The following CSMD3 variants were observed in gnomAD, a reference collection of about 807,000 sequenced individuals.
CSMD3 encodes CUB and Sushi multiple domains 3, also known as CUB and sushi domain-containing protein 3.
CSMD3 carries 177 observed loss-of-function variants against 435.2 expected under a neutral mutation model. That is an observed-to-expected ratio of 0.41 (90% CI 0.36 to 0.46). CSMD3 has a LOEUF of 0.46. CSMD3 is among the 20% of genes least tolerant of loss of function. CSMD3 has a pLI of 0.34. For missense variants in CSMD3, 4,265 were observed against 4,504.6 expected, an observed-to-expected ratio of 0.95 and a Z score of 1.52; for synonymous variants, 1,656 against 1,520.5, an observed-to-expected ratio of 1.09 and a Z score of -2.07.
intron 31 of CSMD3, among the ~76,000 whole-genome samples, chr8:112,479,564 G>T (rs1819421687): frequency 6.6e-6 from 1 of 152,196 alleles, no homozygotes. Context: ...TGGCCCTGCT[G>T]CCTGCCTTGG....
intron 3 of CSMD3, among the ~76,000 whole-genome samples, chr8:113,226,668 C>T (rs1021510372): frequency 6.6e-6 from 1 of 151,608 alleles, no homozygotes; most frequent in East Asian, 2.0e-4. Flanking sequence ...ACACATATTC[C>T]ACTATTTAAA....
At chr8:113,212,551 T>A (rs1455657711) in intron 3 of CSMD3, among the ~76,000 whole-genome samples, 1 of 152,142 alleles carries the variant, frequency 6.6e-6, no homozygotes, top group Non-Finnish European at 1.5e-5. Context: ...TAGAATACTA[T>A]GCAATCATAA....
intron 5 of CSMD3, among the ~76,000 whole-genome samples, chr8:113,087,643 C>T (rs1353246525): frequency 2.2e-4 from 34 of 152,014 alleles, no homozygotes; most frequent in African/African-American, 8.2e-4. Context: ...GCTGGGAAAA[C>T]TGGCTAGCCA....
intron 64 of CSMD3, among the ~76,000 whole-genome samples, chr8:112,246,483 C>T (rs924333316): frequency 6.6e-6 from 1 of 152,024 alleles, no homozygotes; most frequent in African/African-American, 2.4e-5. Flanking sequence ...ATTTAGTGGC[C>T]CCAGGCTTTG....
chr8:113,030,244 C>T (rs971358028), intron 5 of CSMD3, among the ~76,000 whole-genome samples: 6 of 150,038 alleles, frequency 4.0e-5, no homozygotes, highest in Admixed American at 6.6e-5. Flanking sequence ...CATCAAATTC[C>T]AACATCATTC....
chr8:112,504,184 C>T (rs1168122776), intron 29 of CSMD3, among the ~76,000 whole-genome samples: 1 of 151,780 alleles, frequency 6.6e-6, no homozygotes, highest in East Asian at 1.9e-4. Flanking sequence ...AAGAAAAAAA[C>T]TTGATATTTT....
intron 6 of CSMD3, among the ~76,000 whole-genome samples, chr8:112,997,883 T>C (rs1284727438): frequency 2.0e-5 from 3 of 148,430 alleles, no homozygotes; most frequent in Non-Finnish European, 3.0e-5. Flanking sequence ...TATATATACA[T>C]ATATATATAG....
chr8:112,999,909 T>A (rs1277022473), intron 6 of CSMD3, among the ~76,000 whole-genome samples: 2 of 152,020 alleles, frequency 1.3e-5, no homozygotes, highest in Non-Finnish European at 1.5e-5. Flanking sequence ...AGGAAGATGT[T>A]AAATTTGAAA....
intron 4 of CSMD3, among the ~76,000 whole-genome samples, chr8:113,128,875 G>A (rs2131671502): frequency 6.6e-6 from 1 of 152,176 alleles, no homozygotes; most frequent in East Asian, 1.9e-4. Flanking sequence ...TCGAGAAAAA[G>A]TCAACTAAAT....
At chr8:113,424,407 G>GA (rs1379456789) in intron 1 of CSMD3, among the ~76,000 whole-genome samples, 1 of 151,354 alleles carries the variant, frequency 6.6e-6, no homozygotes, top group Non-Finnish European at 1.5e-5. Context: ...ATAACAAATG[G>GA]AAAAAATTAC....
chr8:112,641,397 T>C (rs993307615), intron 20 of CSMD3, among the ~76,000 whole-genome samples: 19 of 152,186 alleles, frequency 1.2e-4, no homozygotes, highest in Admixed American at 5.2e-4. Context: ...TGTAAGTAAC[T>C]CATGGCCTAT....
At chr8:113,029,729 C>A (rs1281856866) in intron 5 of CSMD3, among the ~76,000 whole-genome samples, 1 of 151,404 alleles carries the variant, frequency 6.6e-6, no homozygotes, top group Non-Finnish European at 1.5e-5. Context: ...ACAAGGATGT[C>A]CACTCTCACC....
intron 1 of CSMD3, among the ~76,000 whole-genome samples, chr8:113,399,485 T>C (rs1017197658): frequency 2.0e-5 from 3 of 151,734 alleles, no homozygotes; most frequent in Admixed American, 6.6e-5. Context: ...AAAGTACTGA[T>C]ATATGCTGCA....
chr8:113,282,753 C>A (rs1484701962), intron 2 of CSMD3, among the ~76,000 whole-genome samples: 5 of 151,938 alleles, frequency 3.3e-5, no homozygotes, highest in Non-Finnish European at 1.5e-5. Flanking sequence ...TCATATGGAA[C>A]CAAAAAAGAG....
rs2130786825 is a variant in CSMD3, at chr8:112,306,056, G to T, written c.8022C>A (p.Cys2674Ter). ...GATTGCTCCATGTTCCATCTGATTG[G>T]CATACAGCTGTAGTGAGTTCTTTGG... ...LSSKELTTAV[C>*]QSDGTWSNHN... is the part of the protein sequence containing the mutation. Residue 2674 changes from cysteine (C) to a stop codon, truncating the protein, a stop_gained, in exon 51 of 71, where the codon TGC becomes TGA. Coordinates refer to ENST00000297405, the MANE Select transcript of CSMD3 (RefSeq NM_198123.2). LOFTEE classifies it high-confidence loss of function. The T allele has an allele frequency of 1.2e-6, 2 of 1,613,720 alleles. No individual in the cohort carries two copies. Among genetic ancestry groups the T allele is most frequent in the South Asian group, 2.2e-5 (2 of 91,072 alleles).
At chr8:113,306,269 T>C (rs1227107875) in intron 2 of CSMD3, among the ~76,000 whole-genome samples, 1 of 152,144 alleles carries the variant, frequency 6.6e-6, no homozygotes, top group African/African-American at 2.4e-5. Flanking sequence ...GATGTTTTAT[T>C]ATATAAGAGA....
chr8:113,071,113 T>C (rs2089095485), intron 5 of CSMD3, among the ~76,000 whole-genome samples: 1 of 151,968 alleles, frequency 6.6e-6, no homozygotes, highest in African/African-American at 2.4e-5. Context: ...CATTGGTATG[T>C]CCTCACTTGG....
At chr8:112,778,559 C>T (rs2078302268) in intron 13 of CSMD3, among the ~76,000 whole-genome samples, 1 of 151,748 alleles carries the variant, frequency 6.6e-6, no homozygotes, top group Non-Finnish European at 1.5e-5. Flanking sequence ...TTTTTAGCGC[C>T]ATAGTTTATT....
At chr8:112,571,069 G>T (rs549743888) in intron 24 of CSMD3, among the ~76,000 whole-genome samples, 1 of 152,028 alleles carries the variant, frequency 6.6e-6, no homozygotes, top group East Asian at 1.9e-4. Flanking sequence ...GTGCAATGGC[G>T]CAATCTTGGC....
Sources: allele counts gnomAD v4.1 joint callset (sites outside exome capture counted in the v4.1 genomes callset), GRCh38; gene constraint gnomAD v4.1.1; transcripts MANE v1.5; gene names NCBI Gene and HGNC (gene_info 2026-07-23, HGNC 2026-07-21).